The following GPCPD1 variants were observed in gnomAD, a reference collection of about 807,000 sequenced individuals.
GPCPD1 encodes glycerophosphocholine phosphodiesterase 1.
In GPCPD1, 29 loss-of-function variants were observed where a neutral mutation model predicts 89.2. The ratio of observed to expected loss-of-function variants is 0.33; its 90% CI spans 0.24 to 0.44. The LOEUF is 0.44. GPCPD1 is among the 20% of genes least tolerant of loss of function. GPCPD1 has a pLI of 1.00. For missense variants in GPCPD1, 594 were observed against 808.9 expected, an observed-to-expected ratio of 0.73 and a Z score of 3.22; for synonymous variants, 258 against 266.3, an observed-to-expected ratio of 0.97 and a Z score of 0.30.
chr20:5,586,420 T>C (rs1474258261), intron 4 of GPCPD1, 151 bp from the exon 5 acceptor site: 1 of 556,542 alleles, frequency 1.8e-6, no homozygotes, highest in Non-Finnish European at 3.2e-6. Context: ...AAGCCTGGAA[T>C]GTACCAGATC....
intron 19 of GPCPD1, 100 bp downstream of exon 19, chr20:5,557,845 G>T: frequency 4.5e-6 from 3 of 665,310 alleles, no homozygotes; most frequent in South Asian, 4.3e-5. Context: ...AGGCTGAACT[G>T]CAGAATTTTA....
intron 19 of GPCPD1, among the ~76,000 whole-genome samples, chr20:5,554,263 C>T (rs772551656): frequency 4.6e-5 from 4 of 87,258 alleles, no homozygotes; most frequent in Non-Finnish European, 9.3e-5. Context: ...GGATTACAGG[C>T]GTGAGCCATC....
chr20:5,574,369 G>C (rs1251166975), intron 10 of GPCPD1, among the ~76,000 whole-genome samples: 2 of 152,082 alleles, frequency 1.3e-5, no homozygotes, highest in Non-Finnish European at 2.9e-5. Flanking sequence ...AGAAACAACT[G>C]ACACACACAC....
intron 15 of GPCPD1, among the ~76,000 whole-genome samples, chr20:5,564,114 C>A (rs935169911): frequency 3.9e-5 from 6 of 152,068 alleles, no homozygotes. Context: ...ATCTCCTTGG[C>A]ATCTGTGTGG....
chr20:5,568,900 T>G (rs1986551079), intron 12 of GPCPD1, among the ~76,000 whole-genome samples: 1 of 152,148 alleles, frequency 6.6e-6, no homozygotes, highest in African/African-American at 2.4e-5. Context: ...AGAGCGAGAC[T>G]CGGTCTCAAA....
intron 15 of GPCPD1, among the ~76,000 whole-genome samples, chr20:5,562,037 A>G (rs6053500): frequency 0.73 from 111,551 of 152,086 alleles, 42,443 homozygotes; most frequent in African/African-American, 0.94. Context: ...ACATTATGCT[A>G]CAGCTCATAA....
intron 19 of GPCPD1, among the ~76,000 whole-genome samples, chr20:5,551,842 T>C (rs893498766): frequency 3.3e-5 from 5 of 152,202 alleles, no homozygotes; most frequent in Non-Finnish European, 7.3e-5. Flanking sequence ...GAAAATGATA[T>C]GTAGCAGTTG....
chr20:5,552,090 G>T (rs1337211242), intron 19 of GPCPD1, among the ~76,000 whole-genome samples: 2 of 152,122 alleles, frequency 1.3e-5, no homozygotes, highest in Non-Finnish European at 2.9e-5. Flanking sequence ...ATAGGTACAA[G>T]AAATTATTGG....
rs773464877 is a variant in GPCPD1 at position 5,547,704 on chromosome 20, A to G, written c.1976T>C (p.Ile659Thr). Reference sequence around the variant, plus strand: ...ATCAATGCCGTTGGCATCCACATGGATATCAGACTCCCCACACAAAGATGA... The same window carrying G: ...ATCAATGCCGTTGGCATCCACATGGGTATCAGACTCCCCACACAAAGATGA... ...VPSSLCGESD[I>T]HVDANGIDNV... is the part of the protein sequence containing the mutation. Residue 659 changes from isoleucine (I) to threonine (T), a missense_variant, in exon 20 of 20, where the codon ATC becomes ACC. Coordinates refer to ENST00000379019, the MANE Select transcript of GPCPD1 (RefSeq NM_019593.5). 1.9e-6 allele frequency: 3 copies of G among 1,611,002 alleles called. No homozygotes were observed. The highest frequency in any genetic ancestry group is 2.5e-6 in the Non-Finnish European group (3 of 1,177,598).
chr20:5,564,903 A>G (rs1467222786), intron 15 of GPCPD1, 114 bp downstream of exon 15: 1 of 696,372 alleles, frequency 1.4e-6, no homozygotes, highest in Non-Finnish European at 2.6e-6. Context: ...ATAAATTCAT[A>G]TTAACATTGT....
intron 15 of GPCPD1, among the ~76,000 whole-genome samples, chr20:5,562,364 C>A (rs1354208304): frequency 2.6e-5 from 4 of 152,184 alleles, no homozygotes; most frequent in Non-Finnish European, 4.4e-5. Flanking sequence ...TTCACTGCAA[C>A]CTCCACCTCT....
chr20:5,605,025 T>A (rs965930240), intron 1 of GPCPD1, among the ~76,000 whole-genome samples: 15 of 151,726 alleles, frequency 9.9e-5, no homozygotes, highest in Admixed American at 9.2e-4. Flanking sequence ...ATCTCAATTA[T>A]GAGCAAAAAA....
In GPCPD1 at chr20:5,546,043, T is replaced by A. The variant is rs182039962; in HGVS notation, c.*1618A>T. 3.3e-4 allele frequency: 51 copies of A among 152,288 alleles called. No individual in the cohort carries two copies. The highest frequency in any genetic ancestry group is 1.1e-3 in the African/African-American group (47 of 41,550). The allele number at this position is 152,288 out of a possible 1,614,324, so 9.4% of individuals were successfully genotyped here. ...AGGTCTGCAGATGAAGGAAACTAAT[T>A]CTTTTTCAGGAGTTTTCCAAAAGTG... On this transcript the variant is annotated 3_prime_UTR_variant, in exon 20 of 20. Coordinates refer to ENST00000379019, the MANE Select transcript of GPCPD1 (RefSeq NM_019593.5).
At chr20:5,601,780 A>G (rs1980173700) in intron 2 of GPCPD1, among the ~76,000 whole-genome samples, 1 of 152,208 alleles carries the variant, frequency 6.6e-6, no homozygotes, top group African/African-American at 2.4e-5. Context: ...TCCAATTGGA[A>G]AAAGTAAAAT....
chr20:5,583,580 G>A (rs1978709894), intron 6 of GPCPD1, among the ~76,000 whole-genome samples: 1 of 152,106 alleles, frequency 6.6e-6, no homozygotes, highest in Non-Finnish European at 1.5e-5. Context: ...TCAGGATATA[G>A]TATTTACTAA....
At position 5,545,378 on chromosome 20, in the gene GPCPD1, C is replaced by T. The variant is rs938540483; in HGVS notation, c.*2283G>A. On this transcript the variant is annotated 3_prime_UTR_variant, in exon 20 of 20. Coordinates refer to ENST00000379019, the MANE Select transcript of GPCPD1 (RefSeq NM_019593.5). ...ATGAGACAAAGATCAACTCTGCCTA[C>T]CTAGAACAGAATTACTGTGATGCAC... 1 of 152,200 alleles carries T rather than the reference C, an allele frequency of 6.6e-6. No homozygotes were observed. The highest frequency in any genetic ancestry group is 2.1e-4 in the South Asian group (1 of 4,828). The allele number at this position is 152,200 out of a possible 1,614,324, so 9.4% of individuals were successfully genotyped here. A position where few individuals can be genotyped will look rare whatever the true frequency, so the allele number is the denominator to read the frequency against.
chr20:5,568,220 A>AATATACTTAGTATATATATATAT (rs1568653254), intron 12 of GPCPD1, among the ~76,000 whole-genome samples: 15 of 136,980 alleles, frequency 1.1e-4, no homozygotes, highest in East Asian at 6.6e-4. Flanking sequence ...CTGTCCAACA[A>AATATACTTAGTATATATATATAT]ATATACTTAG....
chr20:5,554,501 T>C, intron 19 of GPCPD1, among the ~76,000 whole-genome samples: 1 of 152,186 alleles, frequency 6.6e-6, no homozygotes, highest in East Asian at 1.9e-4. Context: ...TTACGCTAAA[T>C]CTACTTTGTC....
At chr20:5,576,022 A>G (rs762144099) in intron 8 of GPCPD1, 44 bp from the exon 9 acceptor site, 1 of 977,146 alleles carries the variant, frequency 1.0e-6, no homozygotes, top group South Asian at 1.5e-5. Context: ...TTAAACTTCT[A>G]CATTACATAC....
Sources: gnomAD v4.1 joint callset for allele counts (sites outside exome capture counted in the v4.1 genomes callset) on GRCh38, gnomAD v4.1.1 for gene constraint, MANE v1.5 for transcripts, NCBI Gene and HGNC (gene_info 2026-07-23, HGNC 2026-07-21) for gene names.